Variants in VRK2 observed in about 807,000 individuals in gnomAD.
VRK2 encodes the protein VRK serine/threonine kinase 2.
Under a neutral mutation model 57.6 loss-of-function variants are expected in VRK2, and 60 were observed. The observed-to-expected ratio is 1.04, with a 90% CI of 0.85 to 1.29. The LOEUF is 1.29. VRK2 is among the 50% of genes most tolerant of loss of function. The probability of loss-of-function intolerance (pLI) is 0.00; values close to 1 mark genes in which losing one functional copy is unlikely to be tolerated. For missense variants in VRK2, 705 were observed against 588.1 expected, an observed-to-expected ratio of 1.20 and a Z score of -2.06; for synonymous variants, 231 against 199.2, an observed-to-expected ratio of 1.16 and a Z score of -1.35.
chr2:58,050,719 T>C (rs556662593), intron 2 of VRK2, among the ~76,000 whole-genome samples: 16 of 152,392 alleles, frequency 1.0e-4, no homozygotes, highest in Admixed American at 6.5e-4. Context: ...TATCTATGTG[T>C]ACACATAGTC....
At chr2:58,116,213 G>T (rs887708756) in intron 7 of VRK2, among the ~76,000 whole-genome samples, 4 of 152,102 alleles carry the variant, frequency 2.6e-5, no homozygotes, top group African/African-American at 9.7e-5. Context: ...AGATGGTAAG[G>T]GGTGCGTGAT....
intron 1 of VRK2, among the ~76,000 whole-genome samples, chr2:57,932,926 T>C (rs915827248): frequency 6.6e-6 from 1 of 152,248 alleles, no homozygotes; most frequent in Non-Finnish European, 1.5e-5. Context: ...ATTTCTTTTT[T>C]GACCCTTTTG....
chr2:58,031,368 G>A (rs1186099720), intron 2 of VRK2, among the ~76,000 whole-genome samples: 2 of 151,918 alleles, frequency 1.3e-5, no homozygotes, highest in South Asian at 4.1e-4. Flanking sequence ...TATCCCCTCA[G>A]GATAGTATAG....
chr2:58,085,294 G>GA (rs1206178927), intron 4 of VRK2, among the ~76,000 whole-genome samples: 1 of 151,798 alleles, frequency 6.6e-6, no homozygotes, highest in African/African-American at 2.4e-5. Context: ...CGGCTATAAG[G>GA]AAAAAACATT....
At chr2:57,937,885 G>A (rs1279149915) in intron 1 of VRK2, among the ~76,000 whole-genome samples, 1 of 136,342 alleles carries the variant, frequency 7.3e-6, no homozygotes, top group African/African-American at 2.8e-5. Context: ...AGGCTGGAGT[G>A]CAATGGCATG....
chr2:57,918,713 G>A (rs1024556035), intron 1 of VRK2, among the ~76,000 whole-genome samples: 12 of 152,000 alleles, frequency 7.9e-5, no homozygotes, highest in African/African-American at 2.9e-4. Flanking sequence ...ATGTTCTCTA[G>A]ACCCAGAAAG....
intron 1 of VRK2, among the ~76,000 whole-genome samples, chr2:57,943,018 T>A (rs1301754287): frequency 6.6e-6 from 1 of 152,216 alleles, no homozygotes; most frequent in Non-Finnish European, 1.5e-5. Flanking sequence ...AGGATAATTT[T>A]ATATAGGCAT....
chr2:58,148,233 G>A (rs1682462787), intron 12 of VRK2, among the ~76,000 whole-genome samples: 1 of 151,812 alleles, frequency 6.6e-6, no homozygotes, highest in Admixed American at 6.6e-5. Flanking sequence ...TCTAACATGT[G>A]TATTAGTGTA....
intron 9 of VRK2, among the ~76,000 whole-genome samples, chr2:58,132,351 A>G (rs1679338774): frequency 6.6e-6 from 1 of 152,232 alleles, no homozygotes; most frequent in African/African-American, 2.4e-5. Context: ...TGAGAGCAAC[A>G]TACCTCTTAT....
upstream of VRK2, among the ~76,000 whole-genome samples, chr2:58,044,630 G>C (rs866917583): frequency 1.6e-4 from 25 of 152,284 alleles, no homozygotes; most frequent in Middle Eastern, 3.4e-3. Context: ...TGAAATTTCA[G>C]ATAGGATGTT....
At chr2:58,019,745 T>C (rs1673693402) in intron 1 of VRK2, among the ~76,000 whole-genome samples, 1 of 152,222 alleles carries the variant, frequency 6.6e-6, no homozygotes, top group Non-Finnish European at 1.5e-5. Context: ...ACAGTACTAG[T>C]TTCCTATTGC....
At chr2:58,047,172 G>T in intron 1 of VRK2, 1 of 292,956 alleles carries the variant, frequency 3.4e-6, no homozygotes, top group Non-Finnish European at 5.1e-6. Flanking sequence ...AGAACTTGTG[G>T]CGGGAAGTTG....
rs748779247 is a variant in VRK2, at chr2:58,132,031, A to G, written c.797+103A>G. On this transcript the variant is annotated intron_variant, in intron 9 of 12. Transcript: ENST00000340157. ...AAGATTGGCATTCACCCAACATGACAACCAAAGCAAATTTCTTTAGTTTGA... is the reference window on the plus strand; with the variant it reads ...AAGATTGGCATTCACCCAACATGACGACCAAAGCAAATTTCTTTAGTTTGA... 2.4e-5 allele frequency: 33 copies of G among 1,402,726 alleles called. No individual in the cohort carries two copies. The Admixed American group carries it at 7.7e-4, about 33-fold the overall frequency. The allele number at this position is 1,402,726 out of a possible 1,614,324, so 86.9% of individuals were successfully genotyped here.
At chr2:58,052,533 G>T (rs1258432419) in intron 2 of VRK2, among the ~76,000 whole-genome samples, 1 of 151,226 alleles carries the variant, frequency 6.6e-6, no homozygotes, top group Non-Finnish European at 1.5e-5. Context: ...AACCTGGGAG[G>T]AGGAGGTTGC....
chr2:58,027,405 A>G (rs1021228275), intron 2 of VRK2, among the ~76,000 whole-genome samples: 4 of 152,178 alleles, frequency 2.6e-5, no homozygotes, highest in Admixed American at 2.6e-4. Context: ...AACAGCCCTG[A>G]TTGATAGTAT....
chr2:57,966,240 T>G (rs926798044), intron 1 of VRK2, among the ~76,000 whole-genome samples: 2 of 152,200 alleles, frequency 1.3e-5, no homozygotes, highest in African/African-American at 4.8e-5. Context: ...ATGAGCCAAA[T>G]GGATGATTTG....
chr2:57,926,767 T>A (rs1670552876), intron 1 of VRK2, among the ~76,000 whole-genome samples: 1 of 151,866 alleles, frequency 6.6e-6, no homozygotes, highest in Admixed American at 6.6e-5. Context: ...TGAAGTGTAT[T>A]TCTTGTAGGT....
At chr2:58,157,314 G>A (rs1684044722) in intron 12 of VRK2, among the ~76,000 whole-genome samples, 1 of 152,142 alleles carries the variant, frequency 6.6e-6, no homozygotes, top group Non-Finnish European at 1.5e-5. Context: ...CTATTCTAAT[G>A]TAGGGTTTCT....
chr2:58,021,342 A>G (rs1341159445), intron 1 of VRK2, among the ~76,000 whole-genome samples: 1 of 152,176 alleles, frequency 6.6e-6, no homozygotes, highest in Non-Finnish European at 1.5e-5. Context: ...AGCACTCTGT[A>G]TAAGAATGCA....
Sources: gnomAD v4.1 joint callset for allele counts (sites outside exome capture counted in the v4.1 genomes callset) on GRCh38, gnomAD v4.1.1 for gene constraint, MANE v1.5 for transcripts, NCBI Gene and HGNC (gene_info 2026-07-23, HGNC 2026-07-21) for gene names.